The following BTG4 variants were observed in gnomAD, a reference collection of about 807,000 sequenced individuals.
BTG4 encodes BTG anti-proliferation factor 4.
BTG4 carries 10 observed loss-of-function variants against 19.3 expected under a neutral mutation model. The observed-to-expected ratio is 0.52, with a 90% confidence interval of 0.32 to 0.88. The LOEUF is 0.88. Ranked by LOEUF, BTG4 falls within the 40% of genes least tolerant of loss-of-function variation. The pLI, the probability that BTG4 is intolerant of heterozygous loss-of-function variation, is 0.04. For synonymous variants in BTG4, 91 were observed against 95.7 expected (o/e 0.95, Z 0.29); for missense variants, 238 against 281.9 (o/e 0.84, Z 1.11).
the BTG4 span, among the ~76,000 whole-genome samples, chr11:111,405,914 T>C: frequency 6.5e-3 from 989 of 152,332 alleles, 18 homozygotes; most frequent in Non-Finnish European, 5.5e-3. Context: ...TTCTGGCATA[T>C]AGCAAGTGCT....
At chr11:111,513,346 C>A, upstream of BTG4, 1 of 523,926 alleles carries the variant, frequency 1.9e-6, no homozygotes, top group Non-Finnish European at 3.9e-6. Flanking sequence ...ATTCACCAAG[C>A]TAGCAACTCA....
chr11:111,493,817 T>C (rs562211356), downstream of BTG4, among the ~76,000 whole-genome samples: 1 of 152,146 alleles, frequency 6.6e-6, no homozygotes, highest in East Asian at 1.9e-4. Flanking sequence ...CCATCGTTTC[T>C]AGAAAAAAAA....
chr11:111,391,197 G>A, the BTG4 span, among the ~76,000 whole-genome samples: 6 of 152,162 alleles, frequency 3.9e-5, no homozygotes, highest in Admixed American at 2.6e-4. Context: ...CTATGTTAAC[G>A]GCAGTCATCA....
the BTG4 span, among the ~76,000 whole-genome samples, chr11:111,400,698 T>A: frequency 1.3e-5 from 2 of 152,068 alleles, no homozygotes; most frequent in Non-Finnish European, 2.9e-5. Context: ...AAAGAATATG[T>A]GAAGGGGAAG....
At chr11:111,425,256 G>A in the BTG4 span, among the ~76,000 whole-genome samples, 1 of 152,104 alleles carries the variant, frequency 6.6e-6, no homozygotes, top group Admixed American at 6.5e-5. Context: ...CTGGGTAGGG[G>A]GTTCACAGGT....
chr11:111,424,387 T>C, the BTG4 span, among the ~76,000 whole-genome samples: 1 of 152,208 alleles, frequency 6.6e-6, no homozygotes, highest in African/African-American at 2.4e-5. Context: ...AGAAAGGAGA[T>C]GATGAGTTAA....
chr11:111,503,214 C>A (rs73555125), intron 1 of BTG4, among the ~76,000 whole-genome samples: 1,954 of 152,208 alleles, frequency 0.013, 46 homozygotes, highest in African/African-American at 0.044. Context: ...CACTTGTAAC[C>A]AACAGATTAA....
the BTG4 span, among the ~76,000 whole-genome samples, chr11:111,426,448 C>G: frequency 6.6e-6 from 1 of 152,168 alleles, no homozygotes; most frequent in African/African-American, 2.4e-5. Context: ...AGAGAATGTA[C>G]TGCAGAAATA....
the BTG4 span, chr11:111,456,522 A>G: frequency 2.2e-6 from 1 of 456,500 alleles, no homozygotes; most frequent in Admixed American, 2.3e-5. The surrounding 1 kb of genome is among the most constrained non-coding windows in gnomAD (Gnocchi z 4.2). Context: ...CAGCCCCAGC[A>G]GGCCCTCCTG....
the BTG4 span, chr11:111,461,850 A>T: frequency 6.5e-6 from 1 of 152,708 alleles, no homozygotes; most frequent in African/African-American, 2.4e-5. Context: ...TGGGGCCATG[A>T]GCAGAAAAAG....
intron 3 of BTG4, 111 bp downstream of exon 3, chr11:111,497,887 C>A: frequency 8.5e-7 from 1 of 1,178,238 alleles, no homozygotes; most frequent in Non-Finnish European, 1.2e-6. Flanking sequence ...CAAGAAGTAT[C>A]CCTGCTGCCA....
chr11:111,448,549 C>T, the BTG4 span: 3 of 153,022 alleles, frequency 2.0e-5, no homozygotes, highest in African/African-American at 7.2e-5. Context: ...CTCTGCCCTC[C>T]CAGGTTCTTC....
chr11:111,485,127 G>C (rs1199016298), intron 5 of BTG4, among the ~76,000 whole-genome samples: 1 of 152,028 alleles, frequency 6.6e-6, no homozygotes, highest in Non-Finnish European at 1.5e-5. Flanking sequence ...AATATTACTG[G>C]AGCCAAAGAG....
chr11:111,396,241 T>C, the BTG4 span, among the ~76,000 whole-genome samples: 1 of 152,208 alleles, frequency 6.6e-6, no homozygotes, highest in Non-Finnish European at 1.5e-5. Context: ...TCCCTCCTGT[T>C]ATATGTAACT....
the BTG4 span, among the ~76,000 whole-genome samples, chr11:111,433,544 A>G: frequency 6.6e-6 from 1 of 152,242 alleles, no homozygotes; most frequent in Non-Finnish European, 1.5e-5. Context: ...AAAAGCCAAA[A>G]TAGACAAATG....
At chr11:111,385,576 A>G in the BTG4 span, 1 of 151,924 alleles carries the variant, frequency 6.6e-6, no homozygotes, top group Non-Finnish European at 1.5e-5. Flanking sequence ...ATGATATAAT[A>G]ATAATATATT....
chr11:111,393,264 A>G, the BTG4 span, among the ~76,000 whole-genome samples: 4 of 152,190 alleles, frequency 2.6e-5, no homozygotes, highest in Admixed American at 2.6e-4. Context: ...CACTTTATCT[A>G]ATCTAGACGG....
At chr11:111,390,250 A>G in the BTG4 span, among the ~76,000 whole-genome samples, 2 of 152,210 alleles carry the variant, frequency 1.3e-5, no homozygotes, top group Non-Finnish European at 2.9e-5. Context: ...GCACTCATTC[A>G]TTCAGCAAAT....
chr11:111,454,788 G>A, the BTG4 span, among the ~76,000 whole-genome samples: 1 of 145,504 alleles, frequency 6.9e-6, no homozygotes, highest in Non-Finnish European at 1.5e-5. Flanking sequence ...GGACGAGCCA[G>A]TGTCTGTCCT....
Sources: gnomAD v4.1 joint callset for allele counts (sites outside exome capture counted in the v4.1 genomes callset) on GRCh38, gnomAD v4.1.1 for gene constraint, Gnocchi (gnomAD v3.1) non-coding constraint, MANE v1.5 for transcripts, NCBI Gene and HGNC (gene_info 2026-07-23, HGNC 2026-07-21) for gene names.